The following TRAPPC9 variants were observed in gnomAD, a reference collection of about 807,000 sequenced individuals.
The protein encoded by TRAPPC9 is trafficking protein particle complex subunit 9.
A neutral mutation model predicts 124.0 loss-of-function variants in TRAPPC9; 83 were observed. That is an observed-to-expected ratio of 0.67 (90% CI 0.56 to 0.80). The LOEUF (loss-of-function observed/expected upper bound fraction) is 0.80, where lower values mean the gene tolerates loss of function less well. TRAPPC9 is among the 30% of genes least tolerant of loss of function. The pLI, the probability that TRAPPC9 is intolerant of heterozygous loss-of-function variation, is 0.00. For missense variants in TRAPPC9, 1,302 were observed against 1,508.3 expected (o/e 0.86, Z 2.27); for synonymous variants, 638 against 617.5 (o/e 1.03, Z -0.49).
intron 9 of TRAPPC9, among the ~76,000 whole-genome samples, chr8:140,322,480 A>T (rs1457831477): frequency 1.3e-5 from 2 of 152,158 alleles, no homozygotes; most frequent in Admixed American, 1.3e-4. Flanking sequence ...TTATGTTAAA[A>T]ATGCATATTA....
At chr8:140,227,438 G>A (rs2063480536) in intron 16 of TRAPPC9, among the ~76,000 whole-genome samples, 1 of 152,046 alleles carries the variant, frequency 6.6e-6, no homozygotes, top group South Asian at 2.1e-4. Flanking sequence ...CAGGACAGAG[G>A]GTATTTAAGA....
chr8:140,189,605 G>A (rs2062435816), intron 17 of TRAPPC9, among the ~76,000 whole-genome samples: 1 of 152,142 alleles, frequency 6.6e-6, no homozygotes, highest in Non-Finnish European at 1.5e-5. Context: ...AAGGAAATAG[G>A]CCATAATGAG....
At chr8:140,364,557 T>C (rs1406103715) in intron 8 of TRAPPC9, among the ~76,000 whole-genome samples, 1 of 152,152 alleles carries the variant, frequency 6.6e-6, no homozygotes, top group Non-Finnish European at 1.5e-5. Context: ...CTCTGAGGTC[T>C]AATCTCTCCT....
At chr8:139,798,435 C>T (rs1823251311) in intron 21 of TRAPPC9, among the ~76,000 whole-genome samples, 1 of 152,182 alleles carries the variant, frequency 6.6e-6, no homozygotes, top group African/African-American at 2.4e-5. Context: ...TCTGGAGATA[C>T]TGGGGACATT....
chr8:139,800,989 G>T (rs73362199), intron 21 of TRAPPC9, among the ~76,000 whole-genome samples: 1 of 126,756 alleles, frequency 7.9e-6, no homozygotes, highest in African/African-American at 3.1e-5. Context: ...ATCTTCCCCC[G>T]CTCTGGCACC....
chr8:140,357,037 C>G (rs1402243470), intron 9 of TRAPPC9, among the ~76,000 whole-genome samples: 1 of 152,192 alleles, frequency 6.6e-6, no homozygotes, highest in Non-Finnish European at 1.5e-5. Flanking sequence ...TGGCATCTAG[C>G]CTTTGCCAGG....
chr8:140,010,484 T>C (rs1467957402), intron 18 of TRAPPC9, among the ~76,000 whole-genome samples: 1 of 152,184 alleles, frequency 6.6e-6, no homozygotes, highest in African/African-American at 2.4e-5. Flanking sequence ...CACACAAAAC[T>C]TCCTGAAGAT....
chr8:140,293,389 C>G (rs1344852807), intron 11 of TRAPPC9, among the ~76,000 whole-genome samples: 2 of 152,096 alleles, frequency 1.3e-5, no homozygotes, highest in East Asian at 3.9e-4. Context: ...GACTATAAAT[C>G]ATGCTGCTAT....
intron 17 of TRAPPC9, among the ~76,000 whole-genome samples, chr8:140,207,154 T>A (rs1034857303): frequency 6.6e-6 from 1 of 152,190 alleles, no homozygotes; most frequent in Admixed American, 6.5e-5. Context: ...CCATAAGAAC[T>A]CCTGTTGACA....
At chr8:140,362,566 T>A (rs1467233224) in intron 8 of TRAPPC9, among the ~76,000 whole-genome samples, 1 of 152,160 alleles carries the variant, frequency 6.6e-6, no homozygotes, top group Admixed American at 6.5e-5. Flanking sequence ...CACTACTTTA[T>A]ATCTTAGTAG....
chr8:139,825,799 G>A lies in TRAPPC9; in HGVS notation c.3055+60080C>T, dbSNP rs1027800176. Among the ~76,000 whole-genome samples, 1 of 152,232 alleles carries A rather than the reference G, an allele frequency of 6.6e-6. No homozygotes were observed. The highest frequency in any genetic ancestry group is 1.5e-5 in the Non-Finnish European group (1 of 68,004). ...CAGACGAGCCTCCGAGACAACAGCC[G>A]TGAGACGATGGCCGGAGCTGAGTGT... On this transcript the variant is annotated intron_variant, in intron 21 of 22. Coordinates refer to ENST00000438773, the MANE Select transcript of TRAPPC9 (RefSeq NM_001160372.4). The surrounding 1 kb of genome is among the most constrained non-coding windows in gnomAD (Gnocchi z 4.6).
chr8:140,315,432 T>C (rs2066418558), intron 9 of TRAPPC9, among the ~76,000 whole-genome samples: 2 of 152,126 alleles, frequency 1.3e-5, no homozygotes, highest in Admixed American at 6.5e-5. Flanking sequence ...ATAAAGATTA[T>C]AAAAAGCTTA....
At chr8:140,443,131 CA>C (rs1177286944) in intron 2 of TRAPPC9, among the ~76,000 whole-genome samples, 46 of 43,970 alleles carry the variant, frequency 1.0e-3, no homozygotes, top group East Asian at 9.1e-3. Context: ...GACTCCATCT[CA>C]AAAAAAAAAA....
chr8:140,300,519 T>A lies in TRAPPC9; in HGVS notation c.1718A>T (p.Tyr573Phe). 6.2e-7 allele frequency: 1 copy of A among 1,614,232 alleles called. No individual in the cohort carries two copies. The highest frequency in any genetic ancestry group is 8.5e-7 in the Non-Finnish European group (1 of 1,180,034). ...QNVSTKSPFIYSPIIAHNRGE... is the reference protein window; with the variant it reads ...QNVSTKSPFIFSPIIAHNRGE... The stretch of plus-strand genomic sequence containing the variant: ...ACGGTTGTGTGCGATAATTGGTGAA[T>A]AGATGAAAGGACTTTTGGTTGACAC... Residue 573 changes from tyrosine to phenylalanine, a missense_variant, in exon 11 of 23, where the codon TAT becomes TTT. Physicochemically the swap from Tyr to Phe is conservative, Grantham distance 22. Transcript: ENST00000438773.
At chr8:140,255,491 G>A (rs1422651424) in intron 15 of TRAPPC9, among the ~76,000 whole-genome samples, 1 of 152,254 alleles carries the variant, frequency 6.6e-6, no homozygotes, top group East Asian at 1.9e-4. Flanking sequence ...GGAAAAGACA[G>A]ATGGCTGGGA....
chr8:139,983,493 C>T (rs77185797), intron 19 of TRAPPC9, among the ~76,000 whole-genome samples: 7,346 of 152,020 alleles, frequency 0.048, 211 homozygotes, highest in African/African-American at 0.078. Flanking sequence ...TGTTTGTGTG[C>T]TTTTCTTCCA....
At chr8:140,361,626 C>T (rs2067956549) in intron 8 of TRAPPC9, among the ~76,000 whole-genome samples, 1 of 152,196 alleles carries the variant, frequency 6.6e-6, no homozygotes, top group Non-Finnish European at 1.5e-5. Context: ...CAACCTTTGA[C>T]TCTAGCTGTG....
intron 11 of TRAPPC9, among the ~76,000 whole-genome samples, chr8:140,292,359 G>A (rs956703563): frequency 4.6e-5 from 7 of 152,204 alleles, no homozygotes; most frequent in Non-Finnish European, 1.0e-4. Context: ...CACACAGCAA[G>A]CGAGAGGAGC....
At chr8:139,815,520 T>C (rs1824768068) in intron 21 of TRAPPC9, among the ~76,000 whole-genome samples, 1 of 152,124 alleles carries the variant, frequency 6.6e-6, no homozygotes. Context: ...CCCAAGTGGC[T>C]GGGATTACAG....
Sources: gnomAD v4.1 joint callset for allele counts (sites outside exome capture counted in the v4.1 genomes callset) on GRCh38, gnomAD v4.1.1 for gene constraint, Gnocchi (gnomAD v3.1) non-coding constraint, MANE v1.5 for transcripts, NCBI Gene and HGNC (gene_info 2026-07-23, HGNC 2026-07-21) for gene names.